Variants in SNX29 observed in about 807,000 individuals in gnomAD.
SNX29 encodes the protein sorting nexin-29.
A neutral mutation model predicts 102.1 loss-of-function variants in SNX29; 78 were observed. The ratio of observed to expected loss-of-function variants is 0.76; its 90% confidence interval spans 0.64 to 0.92. The LOEUF (loss-of-function observed/expected upper bound fraction) is 0.92, where lower values mean the gene tolerates loss of function less well. SNX29 is among the 40% of genes least tolerant of loss of function. The pLI, the probability that SNX29 is intolerant of heterozygous loss-of-function variation, is 0.00. For missense variants in SNX29, 1,280 were observed against 1,061.7 expected, an observed-to-expected ratio of 1.21 and a Z score of -2.86; for synonymous variants, 580 against 414.5, an observed-to-expected ratio of 1.40 and a Z score of -4.85.
intron 15 of SNX29, among the ~76,000 whole-genome samples, chr16:12,337,858 G>C (rs2081499101): frequency 6.6e-6 from 1 of 152,086 alleles, no homozygotes; most frequent in Admixed American, 6.6e-5. Context: ...TTTATGTCCT[G>C]GGTATAAAAG....
chr16:12,267,731 T>C (rs1050517842), intron 14 of SNX29, among the ~76,000 whole-genome samples: 1 of 152,182 alleles, frequency 6.6e-6, no homozygotes, highest in African/African-American at 2.4e-5. Context: ...AAGTTATCTT[T>C]TGGAGGGAGA....
At chr16:12,484,864 GCACTT>G in intron 19 of SNX29, among the ~76,000 whole-genome samples, 1 of 152,140 alleles carries the variant, frequency 6.6e-6, no homozygotes, top group South Asian at 2.1e-4. Flanking sequence ...ACTTATTTGT[GCACTT>G]CAATATGATC....
rs945732046 is a variant in SNX29 at position 12,084,913 on chromosome 16, A to T, written c.1402+5998A>T. Reference sequence around the variant, plus strand: ...GTGAGACTCTGTCTCTATAAAAAATAAAAAAAATTACCTGGATATGGTGGT... The same window carrying T: ...GTGAGACTCTGTCTCTATAAAAAATTAAAAAAATTACCTGGATATGGTGGT... On this transcript the variant is annotated intron_variant, in intron 11 of 20. Transcript: ENST00000566228. Among the ~76,000 whole-genome samples, 3 of 151,846 alleles carry T rather than the reference A, an allele frequency of 2.0e-5. No homozygotes were observed. In the East Asian group the frequency reaches 5.8e-4, roughly 29 times the overall value.
chr16:12,106,677 C>T (rs1232877599), intron 11 of SNX29, among the ~76,000 whole-genome samples: 1 of 149,718 alleles, frequency 6.7e-6, no homozygotes, highest in Non-Finnish European at 1.5e-5. Context: ...GACAGGGTCT[C>T]ACTGTGTTGC....
At chr16:12,257,124 A>G (rs1336180227) in intron 14 of SNX29, among the ~76,000 whole-genome samples, 1 of 152,154 alleles carries the variant, frequency 6.6e-6, no homozygotes, top group Non-Finnish European at 1.5e-5. Flanking sequence ...AGTTCCGAGT[A>G]GCTGAATGAC....
chr16:12,562,330 G>A (rs1028066114), intron 20 of SNX29, among the ~76,000 whole-genome samples: 1 of 152,172 alleles, frequency 6.6e-6, no homozygotes, highest in Non-Finnish European at 1.5e-5. Context: ...AACCTGCAGG[G>A]CAGATTCTGT....
At chr16:12,091,610 A>G (rs2052547073) in intron 11 of SNX29, among the ~76,000 whole-genome samples, 2 of 151,574 alleles carry the variant, frequency 1.3e-5, no homozygotes, top group African/African-American at 4.9e-5. Context: ...GCACAGATAG[A>G]CCCTGTCTCT....
chr16:12,248,239 G>A (rs1202090525), intron 14 of SNX29, among the ~76,000 whole-genome samples: 2 of 152,126 alleles, frequency 1.3e-5, no homozygotes, highest in African/African-American at 4.8e-5. Flanking sequence ...ACAGGATCCA[G>A]CCCTGGCCTC....
At chr16:12,166,750 A>G (rs1379355921) in intron 13 of SNX29, among the ~76,000 whole-genome samples, 2 of 152,188 alleles carry the variant, frequency 1.3e-5, no homozygotes, top group East Asian at 3.8e-4. Context: ...CAGGCATCAG[A>G]GTTGGGTGTG....
chr16:12,219,355 T>C (rs1235616164), intron 14 of SNX29, among the ~76,000 whole-genome samples: 1 of 152,052 alleles, frequency 6.6e-6, no homozygotes. Flanking sequence ...AGCATACACA[T>C]ATGTGTATAT....
chr16:12,466,878 C>G (rs2151777460), intron 18 of SNX29, among the ~76,000 whole-genome samples: 1 of 152,294 alleles, frequency 6.6e-6, no homozygotes, highest in Middle Eastern at 3.4e-3. Flanking sequence ...AGTCCTCTAA[C>G]AGAGGCCATT....
rs193060772 is a variant in SNX29 at position 12,075,111 on chromosome 16, T to C, written c.1320-3722T>C. ...CAACTTCTTTGCCTTTGGTTTGAAT[T>C]TCCTCCTGTAGCTCAGAGTAGTTTG... On this transcript the variant is annotated intron_variant, in intron 10 of 20. Coordinates refer to ENST00000566228, the MANE Select transcript of SNX29 (RefSeq NM_032167.5). Among the ~76,000 whole-genome samples the C allele has an allele frequency of 1.9e-3, 294 of 152,316 alleles. 1 individual carries two copies. Among genetic ancestry groups the C allele is most frequent in the African/African-American group, 6.8e-3 (284 of 41,568 alleles).
chr16:12,157,990 T>A (rs1222318980), intron 13 of SNX29, among the ~76,000 whole-genome samples: 1 of 152,116 alleles, frequency 6.6e-6, no homozygotes, highest in Non-Finnish European at 1.5e-5. Context: ...GTATTATAAT[T>A]CACATTACAT....
At chr16:12,473,337 A>T (rs1315112001) in intron 18 of SNX29, among the ~76,000 whole-genome samples, 1 of 152,220 alleles carries the variant, frequency 6.6e-6, no homozygotes, top group African/African-American at 2.4e-5. Flanking sequence ...GATTAGATCC[A>T]AAGGGAGAGG....
Position 12,571,243 on chromosome 16 carries a change from A to C in SNX29, c.*2614A>C, listed in dbSNP as rs986846876. 2.2e-5 allele frequency: 5 copies of C among 232,128 alleles called. No individual in the cohort carries two copies. Among genetic ancestry groups the C allele is most frequent in the Non-Finnish European group, 4.3e-5 (5 of 117,394 alleles). The allele number at this position is 232,128 out of a possible 1,614,324, so 14.4% of individuals were successfully genotyped here. A position where few individuals can be genotyped will look rare whatever the true frequency, so the allele number is the denominator to read the frequency against. On this transcript the variant is annotated 3_prime_UTR_variant, in exon 21 of 21. Coordinates refer to ENST00000566228, the MANE Select transcript of SNX29 (RefSeq NM_032167.5). ...CCCAGTTCCTGGAGTTATGGAGCAG[A>C]AACACCCAGGCCTAGCAGAATTGTG...
At chr16:12,552,429 G>C (rs1008349591) in intron 20 of SNX29, among the ~76,000 whole-genome samples, 8 of 152,180 alleles carry the variant, frequency 5.3e-5, no homozygotes, top group African/African-American at 1.9e-4. Context: ...AGTTCTTTTG[G>C]CTCGAGAGCT....
chr16:12,565,225 T>G (rs1473004005), intron 20 of SNX29, among the ~76,000 whole-genome samples: 1 of 152,184 alleles, frequency 6.6e-6, no homozygotes, highest in African/African-American at 2.4e-5. Context: ...ATTACCAGTA[T>G]TAGGCTGTTC....
chr16:12,137,118 A>G (rs2054691917), intron 13 of SNX29, among the ~76,000 whole-genome samples: 1 of 152,228 alleles, frequency 6.6e-6, no homozygotes, highest in South Asian at 2.1e-4. Context: ...CAGGTCCCCA[A>G]GGCAAGCAGC....
chr16:12,180,895 G>A (rs187508410), intron 13 of SNX29, among the ~76,000 whole-genome samples: 1 of 152,212 alleles, frequency 6.6e-6, no homozygotes, highest in Admixed American at 6.5e-5. Context: ...GCATACTGCA[G>A]CTTGTTTTCT....
Sources: gnomAD v4.1 joint callset for allele counts (sites outside exome capture counted in the v4.1 genomes callset) on GRCh38, gnomAD v4.1.1 for gene constraint, MANE v1.5 for transcripts, NCBI Gene and HGNC (gene_info 2026-07-23, HGNC 2026-07-21) for gene names.